ADGRL2: variants seen among roughly 807,000 people sequenced by gnomAD.
The protein encoded by ADGRL2 is calcium-independent alpha-latrotoxin receptor 2.
Under a neutral mutation model 157.4 loss-of-function variants are expected in ADGRL2, and 44 were observed. The observed-to-expected ratio is 0.28, with a 90% CI of 0.22 to 0.36. ADGRL2 has a LOEUF of 0.36. Among genes scored for constraint, ADGRL2 ranks in the 10% least tolerant of loss-of-function variants. The pLI is 1.00. For missense variants in ADGRL2, 1,510 were observed against 1,768.9 expected, an observed-to-expected ratio of 0.85 and a Z score of 2.63; for synonymous variants, 585 against 624.7, an observed-to-expected ratio of 0.94 and a Z score of 0.95.
At chr1:81,874,633 T>TC (rs879483906) in intron 2 of ADGRL2, among the ~76,000 whole-genome samples, 65,861 of 131,438 alleles carry the variant, frequency 0.5, 15,274 homozygotes, top group East Asian at 0.83. Flanking sequence ...TCTTGTCTTG[T>TC]CTTGTCCTGT....
chr1:81,578,996 T>C (rs2080852898), intron 2 of ADGRL2, among the ~76,000 whole-genome samples: 1 of 152,132 alleles, frequency 6.6e-6, no homozygotes, highest in Admixed American at 6.6e-5. Context: ...CCCCAAACAC[T>C]CATTCCCTGC....
chr1:81,848,935 C>T (rs904171784), intron 2 of ADGRL2, among the ~76,000 whole-genome samples: 1 of 151,876 alleles, frequency 6.6e-6, no homozygotes, highest in Non-Finnish European at 1.5e-5. Context: ...CCTCCTGAGC[C>T]CCTCCTTCAG....
intron 11 of ADGRL2, among the ~76,000 whole-genome samples, chr1:81,965,178 A>T (rs575111320): frequency 6.6e-5 from 10 of 152,260 alleles, no homozygotes; most frequent in African/African-American, 2.4e-4. Context: ...TTTGGTTTAG[A>T]TTGCAGTGGT....
chr1:81,419,408 A>C (rs2077088425), intron 1 of ADGRL2, among the ~76,000 whole-genome samples: 1 of 152,100 alleles, frequency 6.6e-6, no homozygotes, highest in African/African-American at 2.4e-5. Context: ...GGGTTTCACC[A>C]TGTTGCCCAG....
intron 18 of ADGRL2, 149 bp downstream of exon 18, chr1:81,980,109 A>AG: frequency 1.8e-6 from 1 of 565,470 alleles, no homozygotes; most frequent in Non-Finnish European, 3.2e-6. Context: ...CAGTGTTACT[A>AG]TATCACTGAT....
chr1:81,580,775 G>A (rs1229909697), intron 2 of ADGRL2: 1 of 152,086 alleles, frequency 6.6e-6, no homozygotes, highest in Non-Finnish European at 1.5e-5. Context: ...ATTTTTCTTT[G>A]TGATTACATG....
At chr1:81,798,193 T>C (rs2087689223), upstream of ADGRL2, among the ~76,000 whole-genome samples, 1 of 152,148 alleles carries the variant, frequency 6.6e-6, no homozygotes, top group Admixed American at 6.5e-5. Context: ...AATTATGTTA[T>C]GAATTGTCAG....
chr1:81,900,472 A>G (rs1432588200), intron 2 of ADGRL2, among the ~76,000 whole-genome samples: 1 of 152,044 alleles, frequency 6.6e-6, no homozygotes, highest in African/African-American at 2.4e-5. Flanking sequence ...AGCTGACATG[A>G]TTTGGAGTAG....
intron 1 of ADGRL2, among the ~76,000 whole-genome samples, chr1:81,830,948 T>C (rs1376176404): frequency 3.9e-5 from 6 of 152,208 alleles, no homozygotes; most frequent in Admixed American, 3.3e-4. Flanking sequence ...AGTGGTTGTA[T>C]ATATAGACCA....
intron 3 of ADGRL2, among the ~76,000 whole-genome samples, chr1:81,909,229 GT>G (rs200551041): frequency 0.011 from 1,720 of 150,746 alleles, 27 homozygotes; most frequent in South Asian, 0.06. Flanking sequence ...AAATTGAGGG[GT>G]TTTTTTTTAG....
intron 3 of ADGRL2, among the ~76,000 whole-genome samples, chr1:81,587,122 A>T (rs1450465374): frequency 2.0e-5 from 3 of 152,130 alleles, no homozygotes; most frequent in Non-Finnish European, 4.4e-5. Flanking sequence ...TCTTCCTTCA[A>T]TTAATATACA....
intron 1 of ADGRL2, among the ~76,000 whole-genome samples, chr1:81,806,905 T>C (rs1022155884): frequency 3.3e-5 from 5 of 152,176 alleles, no homozygotes; most frequent in Admixed American, 2.6e-4. Flanking sequence ...GTAGCACTTT[T>C]GCCTCTTACT....
intron 2 of ADGRL2, among the ~76,000 whole-genome samples, chr1:81,850,758 G>C (rs930454358): frequency 1.3e-5 from 2 of 152,010 alleles, no homozygotes; most frequent in East Asian, 3.9e-4. Flanking sequence ...ATGTGACTGA[G>C]AAAATACATT....
intron 2 of ADGRL2, among the ~76,000 whole-genome samples, chr1:81,839,928 G>A (rs1049982582): frequency 2.6e-4 from 27 of 102,612 alleles, no homozygotes; most frequent in African/African-American, 1.1e-3. Flanking sequence ...TATATATGAT[G>A]GAATATATAT....
intron 3 of ADGRL2, among the ~76,000 whole-genome samples, chr1:81,621,277 C>T (rs1336343333): frequency 6.6e-6 from 1 of 152,140 alleles, no homozygotes; most frequent in Non-Finnish European, 1.5e-5. Context: ...AGGCAGATTC[C>T]GAGATGGCTC....
At chr1:81,540,995 A>G (rs1201699586) in intron 2 of ADGRL2, among the ~76,000 whole-genome samples, 1 of 152,186 alleles carries the variant, frequency 6.6e-6, no homozygotes, top group East Asian at 1.9e-4. Context: ...CAATCAATGA[A>G]CAATCACATT....
intron 2 of ADGRL2, among the ~76,000 whole-genome samples, chr1:81,537,241 T>G (rs1474532177): frequency 6.6e-6 from 1 of 152,186 alleles, no homozygotes; most frequent in African/African-American, 2.4e-5. Flanking sequence ...CCTTTTAAAG[T>G]TATAAGTTAA....
intron 1 of ADGRL2, among the ~76,000 whole-genome samples, chr1:81,438,035 T>C (rs1355753739): frequency 9.7e-6 from 1 of 102,920 alleles, no homozygotes; most frequent in East Asian, 2.0e-4. Context: ...TCAGCCTGTT[T>C]GGGGAAAAAA....
intron 1 of ADGRL2, chr1:81,699,879 T>G (rs1444446593): frequency 6.6e-6 from 1 of 152,246 alleles, no homozygotes; most frequent in Admixed American, 6.5e-5. Context: ...CTACTCCATC[T>G]TCCCTTTCAA....
Sources: allele counts gnomAD v4.1 joint callset (sites outside exome capture counted in the v4.1 genomes callset), GRCh38; gene constraint gnomAD v4.1.1; transcripts MANE v1.5; gene names NCBI Gene and HGNC (gene_info 2026-07-23, HGNC 2026-07-21).